ARHGAP39: variants seen among roughly 807,000 people sequenced by gnomAD.
ARHGAP39 encodes Rho GTPase activating protein 39, also known as rho GTPase-activating protein 39.
ARHGAP39 carries 44 observed loss-of-function variants against 106.9 expected under a neutral mutation model. The ratio of observed to expected loss-of-function variants is 0.41; its 90% CI spans 0.32 to 0.53. The LOEUF is 0.53. ARHGAP39 is among the 20% of genes least tolerant of loss of function. The pLI is 0.21. For missense variants in ARHGAP39, 1,496 were observed against 1,577.3 expected, an observed-to-expected ratio of 0.95 and a Z score of 0.87; for synonymous variants, 768 against 693.2, an observed-to-expected ratio of 1.11 and a Z score of -1.69.
At chr8:144,694,712 A>G in the ARHGAP39 span, among the ~76,000 whole-genome samples, 1 of 152,176 alleles carries the variant, frequency 6.6e-6, no homozygotes, top group East Asian at 1.9e-4. Flanking sequence ...AGCTGTTTTC[A>G]TGGCAGTGCG....
intron 1 of ARHGAP39, among the ~76,000 whole-genome samples, chr8:144,665,972 C>A (rs991982052): frequency 1.1e-4 from 16 of 152,218 alleles, no homozygotes; most frequent in African/African-American, 3.6e-4. Context: ...CACTAAACGT[C>A]AGCCTGTGAA....
At chr8:144,560,880 C>T (rs553126712) in intron 3 of ARHGAP39, among the ~76,000 whole-genome samples, 95 of 152,286 alleles carry the variant, frequency 6.2e-4, no homozygotes, top group Middle Eastern at 3.4e-3. Context: ...TATTTCATCA[C>T]GGCAGAATTA....
At chr8:144,687,146 G>C (rs576341811), upstream of ARHGAP39, among the ~76,000 whole-genome samples, 26 of 13,076 alleles carry the variant, frequency 2.0e-3, 10 homozygotes, top group East Asian at 0.091. Flanking sequence ...CTGGCGGCGA[G>C]CATTTCCCAC....
At chr8:144,652,899 A>AC (rs1010547915) in intron 1 of ARHGAP39, among the ~76,000 whole-genome samples, 3 of 151,554 alleles carry the variant, frequency 2.0e-5, no homozygotes, top group Non-Finnish European at 2.9e-5. Flanking sequence ...CTTCACATGT[A>AC]CCCCCCCGAA....
Position 144,591,513 on chromosome 8 carries a change from CAT to C in ARHGAP39, c.81-10238_81-10237del, listed in dbSNP as rs1365820588. Among the ~76,000 whole-genome samples, 5 of 152,206 alleles carry C rather than the reference CAT, an allele frequency of 3.3e-5. No homozygotes were observed. Among genetic ancestry groups the C allele is most frequent in the African/African-American group, 1.2e-4 (5 of 41,456 alleles). On this transcript the variant is annotated intron_variant, in intron 2 of 11. Transcript: ENST00000377307. The surrounding 1 kb of genome is among the most constrained non-coding windows in gnomAD (Gnocchi z 5.3). The stretch of plus-strand genomic sequence containing the variant: ...AGGACTTGTTTGCATCCCCTTCCAC[CAT>C]GATTGTTCCCTGGGCGCCCCAGCCA...
intron 1 of ARHGAP39, among the ~76,000 whole-genome samples, chr8:144,652,079 A>G (rs562896280): frequency 1.3e-5 from 2 of 152,218 alleles, no homozygotes; most frequent in Non-Finnish European, 2.9e-5. Flanking sequence ...AATGAGATCA[A>G]TAAATGAGCT....
At chr8:144,558,044 C>CTG (rs1818011314) in intron 3 of ARHGAP39, among the ~76,000 whole-genome samples, 1 of 152,194 alleles carries the variant, frequency 6.6e-6, no homozygotes, top group Non-Finnish European at 1.5e-5. Context: ...AGAGGCTGTG[C>CTG]TGTGTGGTGG....
the ARHGAP39 span, among the ~76,000 whole-genome samples, chr8:144,696,672 C>T: frequency 1.3e-5 from 2 of 152,144 alleles, no homozygotes; most frequent in Non-Finnish European, 2.9e-5. Flanking sequence ...ATTCATATAA[C>T]ATAAAATTTA....
In ARHGAP39 at chr8:144,553,432, G is replaced by A. The variant is rs1234807365; in HGVS notation, c.596+2128C>T. ...TCATGAGAACACACAGAGCACGCGCGTTTCAGCAAAAAGGACTGAGAACGT... is the reference window on the plus strand; with the variant it reads ...TCATGAGAACACACAGAGCACGCGCATTTCAGCAAAAAGGACTGAGAACGT... On this transcript the variant is annotated intron_variant, in intron 4 of 11. Transcript: ENST00000377307. Among the ~76,000 whole-genome samples, 13 of 152,190 alleles carry A rather than the reference G, an allele frequency of 8.5e-5. No individual in the cohort carries two copies. In the South Asian group the frequency reaches 1.9e-3, roughly 22 times the overall value.
rs753167506 is a variant in ARHGAP39, at chr8:144,548,217, G to A, written c.869C>T (p.Ala290Val). 6.2e-7 allele frequency: 1 copy of A among 1,602,582 alleles called. No homozygotes were observed. The highest frequency in any genetic ancestry group is 1.7e-5 in the Admixed American group (1 of 59,162). ...ELPGSSSPLL[A>V]QPRKPSGDSQ... ...GTCCCCGGAGGGCTTTCGGGGCTGG[G>A]CCAGCAGCGGGGAGCTGCTCCCTGG... Residue 290 changes from alanine to valine, a missense_variant, in exon 5 of 12, where the codon GCC becomes GTC. Ala to Val is a moderately conservative substitution (Grantham distance 64, BLOSUM62 0). Coordinates refer to ENST00000377307, the MANE Select transcript of ARHGAP39 (RefSeq NM_025251.3). This position sits in a 1 kb window ranked among gnomAD's most constrained non-coding sequence, Gnocchi z 7.4.
intron 1 of ARHGAP39, among the ~76,000 whole-genome samples, chr8:144,635,541 C>A (rs1044443543): frequency 1.3e-4 from 20 of 152,206 alleles, no homozygotes; most frequent in Non-Finnish European, 7.3e-5. Context: ...ATGAGTCACT[C>A]TTGAAAATCA....
chr8:144,584,138 A>C (rs1819099935), intron 2 of ARHGAP39: 3 of 152,264 alleles, frequency 2.0e-5, no homozygotes, highest in Admixed American at 2.0e-4. Context: ...CTAAAGCCAA[A>C]TATTAAAAGA....
chr8:144,536,020 G>A (rs1369936522), intron 7 of ARHGAP39, among the ~76,000 whole-genome samples: 1 of 152,328 alleles, frequency 6.6e-6, no homozygotes, highest in South Asian at 2.1e-4. Context: ...CTGCACTCAC[G>A]CTGCCTCAGG....
chr8:144,695,612 G>T, the ARHGAP39 span, among the ~76,000 whole-genome samples: 3 of 152,176 alleles, frequency 2.0e-5, no homozygotes, highest in Non-Finnish European at 4.4e-5. Flanking sequence ...AGCGCTCAAA[G>T]TTCTCTCGGC....
At chr8:144,598,937 A>T (rs1229406109) in intron 2 of ARHGAP39, among the ~76,000 whole-genome samples, 1 of 152,252 alleles carries the variant, frequency 6.6e-6, no homozygotes, top group Non-Finnish European at 1.5e-5. Flanking sequence ...CTATAGAAAA[A>T]GAGCAAAAGA....
chr8:144,640,289 A>T (rs1757747003), intron 1 of ARHGAP39, among the ~76,000 whole-genome samples: 1 of 151,998 alleles, frequency 6.6e-6, no homozygotes, highest in Non-Finnish European at 1.5e-5. Context: ...CCCAAATCTC[A>T]TTTTGTAGCT....
intron 2 of ARHGAP39, 98 bp downstream of exon 2, chr8:144,605,437 C>G: frequency 7.8e-7 from 1 of 1,280,988 alleles, no homozygotes; most frequent in Non-Finnish European, 1.1e-6. Context: ...CCATTCTCCA[C>G]GGAGAATCCT....
At position 144,656,559 on chromosome 8, in the gene ARHGAP39, C is replaced by CT. The variant is rs1821703294; in HGVS notation, c.-82+29126dup. Among the ~76,000 whole-genome samples, 3 of 152,082 alleles carry CT rather than the reference C, an allele frequency of 2.0e-5. No individual in the cohort carries two copies. The East Asian group carries it at 5.8e-4, about 29-fold the overall frequency. On this transcript the variant is annotated intron_variant, in intron 1 of 11. Coordinates refer to ENST00000377307, the MANE Select transcript of ARHGAP39 (RefSeq NM_025251.3). ...GATTCACATCTGTAATCCTAGCACT[C>CT]TGGGAGGCTGTGGTGGGCGGATCAC... is the stretch of plus-strand genomic sequence containing the variant.
Position 144,547,508 on chromosome 8 carries a change from C to T in ARHGAP39, c.1578G>A (p.Gln526=). ...GGGCGAGGCTGGTCCCGCACGGGGGCTGTTCCTCGGCCAGGGGCTGCTCCA... is the reference window on the plus strand; with the variant it reads ...GGGCGAGGCTGGTCCCGCACGGGGGTTGTTCCTCGGCCAGGGGCTGCTCCA... ...LLVEQPLAEE[Q]PPCGTSLAPV... Residue 526 remains glutamine (Q), a synonymous_variant, in exon 5 of 12, where the codon CAG becomes CAA. Coordinates refer to ENST00000377307, the MANE Select transcript of ARHGAP39 (RefSeq NM_025251.3). The surrounding 1 kb of genome is among the most constrained non-coding windows in gnomAD (Gnocchi z 5.2). 1 of 1,498,362 alleles carries T rather than the reference C, an allele frequency of 6.7e-7. No individual in the cohort carries two copies. Among genetic ancestry groups the T allele is most frequent in the Non-Finnish European group, 8.9e-7 (1 of 1,127,548 alleles). The allele number at this position is 1,498,362 out of a possible 1,614,324, so 92.8% of individuals were successfully genotyped here. A position where few individuals can be genotyped will look rare whatever the true frequency, so the allele number is the denominator to read the frequency against.
Sources: allele counts gnomAD v4.1 joint callset (sites outside exome capture counted in the v4.1 genomes callset), GRCh38; gene constraint gnomAD v4.1.1; non-coding constraint Gnocchi (gnomAD v3.1); transcripts MANE v1.5; gene names NCBI Gene and HGNC (gene_info 2026-07-23, HGNC 2026-07-21).